The following KANK4 variants were observed in gnomAD, a reference collection of about 807,000 sequenced individuals.
The protein encoded by KANK4 is KN motif and ankyrin repeat domains 4.
A neutral mutation model predicts 80.8 loss-of-function variants in KANK4; 50 were observed. The ratio of observed to expected loss-of-function variants is 0.62; its 90% CI spans 0.49 to 0.78. KANK4 has a LOEUF of 0.78. KANK4 is among the 30% of genes least tolerant of loss of function. The probability of loss-of-function intolerance (pLI) is 0.00; values close to 1 mark genes in which losing one functional copy is unlikely to be tolerated. For missense variants in KANK4, 1,196 were observed against 1,240.1 expected (o/e 0.96, Z 0.53); for synonymous variants, 465 against 506.9 (o/e 0.92, Z 1.11).
intron 8 of KANK4, among the ~76,000 whole-genome samples, chr1:62,250,226 G>C (rs979226558): frequency 6.6e-6 from 1 of 151,580 alleles, no homozygotes; most frequent in Non-Finnish European, 1.5e-5. Flanking sequence ...GACCTCAAGT[G>C]ATCAGCCCGC....
chr1:62,274,586 C>T lies in KANK4; in HGVS notation c.518G>A (p.Arg173Lys). Residue 173 changes from arginine (R) to lysine (K), a missense_variant, in exon 3 of 10, where the codon AGG becomes AAG. By Grantham distance (26) the Arg-to-Lys change is conservative (BLOSUM62 2). Transcript: ENST00000371153. Reference sequence around the variant, plus strand: ...GCTCAGGCCTGGCTCCTCAGAAGCCCTGCTGTGCAGCAGCGTGGCAGGCAT... The same window carrying T: ...GCTCAGGCCTGGCTCCTCAGAAGCCTTGCTGTGCAGCAGCGTGGCAGGCAT... The part of the protein sequence containing the change: ...SSMPATLLHS[R>K]ASEEPGLSLG... 1 of 1,614,088 alleles carries T rather than the reference C, an allele frequency of 6.2e-7. No individual in the cohort carries two copies. Among genetic ancestry groups the T allele is most frequent in the Non-Finnish European group, 8.5e-7 (1 of 1,179,968 alleles).
At chr1:62,276,776 T>TAAAAAAAAA (rs1553130668) in intron 2 of KANK4, among the ~76,000 whole-genome samples, 2 of 61,682 alleles carry the variant, frequency 3.2e-5, no homozygotes, top group African/African-American at 8.9e-5. Flanking sequence ...AAACTCCATC[T>TAAAAAAAAA]CAAAAATAAG....
At chr1:62,278,376 C>T (rs113272984) in intron 2 of KANK4, among the ~76,000 whole-genome samples, 15,659 of 29,642 alleles carry the variant, frequency 0.53, 3,567 homozygotes, top group Non-Finnish European at 0.55. Flanking sequence ...TTCCTTCCTT[C>T]CTTTCTTTCT....
At chr1:62,253,647 C>T (rs574282828) in intron 7 of KANK4, among the ~76,000 whole-genome samples, 64 of 152,184 alleles carry the variant, frequency 4.2e-4, no homozygotes, top group African/African-American at 7.2e-4. Flanking sequence ...CTCCTGACTT[C>T]GTGATCCACC....
chr1:62,301,260 G>C (rs1288346107), intron 1 of KANK4, among the ~76,000 whole-genome samples: 1 of 152,080 alleles, frequency 6.6e-6, no homozygotes, highest in African/African-American at 2.4e-5. Flanking sequence ...GGGAGAAAGA[G>C]AAACATATGC....
intron 7 of KANK4, among the ~76,000 whole-genome samples, chr1:62,261,934 A>T (rs1294946219): frequency 6.6e-6 from 1 of 152,026 alleles, no homozygotes; most frequent in Admixed American, 6.6e-5. Flanking sequence ...TGCATTCTCT[A>T]TCTCTCTTTC....
At position 62,238,328 on chromosome 1, in the gene KANK4, A is replaced by G; in HGVS notation, c.2937T>C (p.Ile979=). The G allele has an allele frequency of 6.2e-7, 1 of 1,614,082 alleles. No individual in the cohort carries two copies. Among genetic ancestry groups the G allele is most frequent in the African/African-American group, 1.3e-5 (1 of 75,054 alleles). The part of the protein sequence containing the change: ...IALKSPTHME[I]AGLLRAHAEQ... ...CCGCGTGGGCTCTCAGAAGCCCAGCAATTTCCATATGGGTGGGTGACTTCA... is the reference window on the plus strand; with the variant it reads ...CCGCGTGGGCTCTCAGAAGCCCAGCGATTTCCATATGGGTGGGTGACTTCA... The change falls in exon 10 of 10, where the codon ATT becomes ATC. Residue 979 remains isoleucine, a synonymous_variant. Coordinates refer to ENST00000371153, the MANE Select transcript of KANK4 (RefSeq NM_181712.5).
intron 5 of KANK4, 62 bp downstream of exon 5, chr1:62,268,225 A>T: frequency 7.9e-7 from 1 of 1,261,080 alleles, no homozygotes; most frequent in Non-Finnish European, 1.2e-6. Context: ...ATGAACGGGT[A>T]GATATATGCC....
chr1:62,243,479 C>T (rs1345971553), intron 9 of KANK4, among the ~76,000 whole-genome samples: 1 of 152,042 alleles, frequency 6.6e-6, no homozygotes, highest in African/African-American at 2.4e-5. Context: ...GCTGGGATTG[C>T]AGATGCGTGC....
In KANK4 at chr1:62,237,063, G is replaced by A. The variant is rs768085338; in HGVS notation, c.*1214C>T. On this transcript the variant is annotated 3_prime_UTR_variant, in exon 10 of 10. Coordinates refer to ENST00000371153, the MANE Select transcript of KANK4 (RefSeq NM_181712.5). ...AATTGGCATCTGAGCCAAAATGAGA[G>A]TGCAAGCTTTTGAGTTTCCAATGTA... The A allele has an allele frequency of 6.6e-6, 1 of 151,502 alleles. No individual in the cohort carries two copies. The highest frequency in any genetic ancestry group is 1.5e-5 in the Non-Finnish European group (1 of 67,940). 9.4% of individuals were successfully genotyped at this position (151,502 alleles called of 1,614,324 possible). A position where few individuals can be genotyped will look rare whatever the true frequency, so the allele number is the denominator to read the frequency against.
At chr1:62,256,094 T>G (rs1322303357) in intron 7 of KANK4, among the ~76,000 whole-genome samples, 5 of 152,166 alleles carry the variant, frequency 3.3e-5, no homozygotes, top group Non-Finnish European at 5.9e-5. Flanking sequence ...CTATCATTAG[T>G]GTTAGTGTAT....
chr1:62,249,230 G>A (rs1671549205), intron 8 of KANK4, among the ~76,000 whole-genome samples: 1 of 151,506 alleles, frequency 6.6e-6, no homozygotes, highest in African/African-American at 2.4e-5. Context: ...TGGGAATCAA[G>A]TGAGATAAAG....
intron 1 of KANK4, among the ~76,000 whole-genome samples, chr1:62,284,125 C>A (rs1163517999): frequency 6.6e-6 from 1 of 152,132 alleles, no homozygotes; most frequent in Non-Finnish European, 1.5e-5. Context: ...GACTCCCACC[C>A]CCAGCCTTCC....
chr1:62,317,896 T>C (rs1258780845), intron 1 of KANK4, among the ~76,000 whole-genome samples: 3 of 152,188 alleles, frequency 2.0e-5, no homozygotes. Flanking sequence ...CATTTGTTGA[T>C]TGAATCAGTC....
rs1672451561 is a variant in KANK4 at position 62,281,559 on chromosome 1, C to T, written c.6G>A (p.Glu2=). The T allele has an allele frequency of 1.2e-6, 2 of 1,614,110 alleles. No homozygotes were observed. Among genetic ancestry groups the T allele is most frequent in the East Asian group, 2.2e-5 (1 of 44,896 alleles). Residue 2 remains glutamate (E), a synonymous_variant, in exon 2 of 10, where the codon GAG becomes GAA. Transcript: ENST00000371153. ...AAGCAGCTTGCCTACCATCTGTCTTCTCCATCTTTGGAGCGCTGACCCTCA... is the reference window on the plus strand; with the variant it reads ...AAGCAGCTTGCCTACCATCTGTCTTTTCCATCTTTGGAGCGCTGACCCTCA... M[E]KTDAKDQSSQ...
In KANK4 at chr1:62,236,418, A is replaced by C. The variant is rs994785422; in HGVS notation, c.*1859T>G. 2.0e-5 allele frequency among the ~76,000 whole-genome samples: 3 copies of C among 152,114 alleles called. No homozygotes were observed. Among genetic ancestry groups the C allele is most frequent in the Non-Finnish European group, 4.4e-5 (3 of 68,030 alleles). ...CTCTTACAATGTATTTTGAGGTCAA[A>C]ATAAACTCATTTAAAGCATTTTTTT... is the stretch of plus-strand genomic sequence containing the variant. On this transcript the variant is annotated 3_prime_UTR_variant, in exon 10 of 10. Coordinates refer to ENST00000371153, the MANE Select transcript of KANK4 (RefSeq NM_181712.5).
intron 1 of KANK4, among the ~76,000 whole-genome samples, chr1:62,287,169 A>G (rs1022706326): frequency 6.6e-6 from 1 of 152,032 alleles, no homozygotes; most frequent in Admixed American, 6.5e-5. Flanking sequence ...GAGCAGAGAC[A>G]GGTGTGAGGT....
intron 6 of KANK4, among the ~76,000 whole-genome samples, chr1:62,263,630 C>A (rs554482267): frequency 6.6e-6 from 1 of 152,148 alleles, no homozygotes; most frequent in African/African-American, 2.4e-5. Flanking sequence ...TAGCTCAAAC[C>A]CCTGGTATGC....
Position 62,271,480 on chromosome 1 carries a change from A to G in KANK4, c.2010T>C (p.Gly670=). Residue 670 remains glycine (G), a splice_region_variant and synonymous_variant, in exon 4 of 10, where the codon GGT becomes GGC. Transcript: ENST00000371153. Reference sequence around the variant, plus strand: ...TGAGCTTCACAAGCGATGCTTACCCACCGTTAACCCCAACAAACTGAAGGT... The same window carrying G: ...TGAGCTTCACAAGCGATGCTTACCCGCCGTTAACCCCAACAAACTGAAGGT... ...KKNLQFVGVN[G]GYETTSSEET... The G allele has an allele frequency of 6.2e-7, 1 of 1,606,272 alleles. No individual in the cohort carries two copies. The highest frequency in any genetic ancestry group is 8.5e-7 in the Non-Finnish European group (1 of 1,172,884).
Sources: allele counts gnomAD v4.1 joint callset (sites outside exome capture counted in the v4.1 genomes callset), GRCh38; gene constraint gnomAD v4.1.1; transcripts MANE v1.5; gene names NCBI Gene and HGNC (gene_info 2026-07-23, HGNC 2026-07-21).